GPC3: variants seen among roughly 807,000 people sequenced by gnomAD.
The protein encoded by GPC3 is glypican 3, also known as glypican-3.
Under a neutral mutation model 34.4 loss-of-function variants are expected in GPC3, and 3 were observed. That is an observed-to-expected ratio of 0.09 (90% CI 0.04 to 0.23). The LOEUF is 0.23. Among genes scored for constraint, GPC3 ranks in the 10% least tolerant of loss-of-function variants. GPC3 has a pLI of 1.00. For missense variants in GPC3, 351 were observed against 445.6 expected (o/e 0.79, Z 1.91); for synonymous variants, 177 against 174.0 (o/e 1.02, Z -0.13).
At chrX:133,614,972 G>C (rs768295793) in intron 6 of GPC3, among the ~76,000 whole-genome samples, 2 of 111,456 alleles carry the variant, frequency 1.8e-5, no homozygotes, top group Non-Finnish European at 3.8e-5. Flanking sequence ...TTCCTACAAA[G>C]ACACAAACTA....
intron 2 of GPC3, among the ~76,000 whole-genome samples, chrX:133,923,790 A>G (rs1275299584): frequency 2.7e-5 from 3 of 112,493 alleles, no homozygotes; most frequent in Non-Finnish European, 3.8e-5. Context: ...TCTTCCAAAG[A>G]TGATAACATC....
At chrX:133,968,322 T>C in intron 1 of GPC3, among the ~76,000 whole-genome samples, 1 of 112,190 alleles carries the variant, frequency 8.9e-6, no homozygotes, top group Non-Finnish European at 1.9e-5. Context: ...TATTTGAATT[T>C]GAATCCCTAG....
intron 6 of GPC3, among the ~76,000 whole-genome samples, chrX:133,606,662 G>A (rs1031585124): frequency 1.8e-5 from 2 of 111,118 alleles, no homozygotes; most frequent in Non-Finnish European, 3.8e-5. Flanking sequence ...GGGCTCAAGT[G>A]ATCCTCTCAC....
chrX:133,621,171 A>C (rs2070228283), intron 6 of GPC3, among the ~76,000 whole-genome samples: 1 of 111,543 alleles, frequency 9.0e-6, no homozygotes, highest in Admixed American at 9.6e-5. Context: ...GGAAAAAAAA[A>C]GAGTTCAGGG....
In GPC3 at chrX:133,562,553, C is replaced by T. The variant is rs768897445; in HGVS notation, c.1574-26260G>A. 1.1e-3 allele frequency among the ~76,000 whole-genome samples: 122 copies of T among 110,924 alleles called. 1 individual carries two copies. Among genetic ancestry groups the T allele is most frequent in the African/African-American group, 3.8e-3 (116 of 30,493 alleles). On this transcript the variant is annotated intron_variant, in intron 7 of 7. Coordinates refer to ENST00000370818, the MANE Select transcript of GPC3 (RefSeq NM_004484.4). ...GGCTGAGGTACGAGAATTGCTTGAC[C>T]CCAGGAGATGGAGGTTGCAGTGAGC...
intron 6 of GPC3, among the ~76,000 whole-genome samples, chrX:133,606,453 G>A (rs1339694751): frequency 8.9e-6 from 1 of 111,901 alleles, no homozygotes; most frequent in Non-Finnish European, 1.9e-5. Flanking sequence ...ACAGGGTCTT[G>A]CTCTGTTGCC....
At chrX:133,635,985 A>G (rs1158544287) in intron 6 of GPC3, among the ~76,000 whole-genome samples, 1 of 110,894 alleles carries the variant, frequency 9.0e-6, no homozygotes, top group Non-Finnish European at 1.9e-5. Context: ...TCATTTCCCT[A>G]TCTCTAATGG....
intron 5 of GPC3, among the ~76,000 whole-genome samples, chrX:133,687,725 C>CTA (rs1389507451): frequency 9.0e-6 from 1 of 111,454 alleles, no homozygotes; most frequent in Non-Finnish European, 1.9e-5. Flanking sequence ...CACGCCTGGC[C>CTA]TATCAGATAT....
intron 2 of GPC3, among the ~76,000 whole-genome samples, chrX:133,942,926 T>C (rs1437944853): frequency 8.9e-6 from 1 of 112,040 alleles, no homozygotes; most frequent in Admixed American, 9.5e-5. Flanking sequence ...CAGTTAATGA[T>C]TCCTCTCTAC....
chrX:133,641,628 A>T (rs1218850806), intron 6 of GPC3, among the ~76,000 whole-genome samples: 2 of 111,532 alleles, frequency 1.8e-5, no homozygotes, highest in Non-Finnish European at 3.8e-5. Flanking sequence ...AACACAGAGG[A>T]AGGTCTGGCA....
rs754944792 is a variant in GPC3, at chrX:133,945,323, G to A, written c.337+7727C>T. Among the ~76,000 whole-genome samples, 18 of 111,407 alleles carry A rather than the reference G, an allele frequency of 1.6e-4. No homozygotes were observed. The East Asian group carries it at 2.5e-3, about 16-fold the overall frequency. Reference sequence around the variant, plus strand: ...GGAGGATCCCTTGAGCCCGGGAGGCGGAGGTTGCAGCGAGCTGAGATAGTG... The same window carrying A: ...GGAGGATCCCTTGAGCCCGGGAGGCAGAGGTTGCAGCGAGCTGAGATAGTG... On this transcript the variant is annotated intron_variant, in intron 2 of 7. Coordinates refer to ENST00000370818, the MANE Select transcript of GPC3 (RefSeq NM_004484.4).
At chrX:133,555,465 A>G (rs776732144) in intron 7 of GPC3, among the ~76,000 whole-genome samples, 10 of 112,232 alleles carry the variant, frequency 8.9e-5, no homozygotes, top group Non-Finnish European at 1.9e-4. Flanking sequence ...TAGCTCAGAC[A>G]TCTTTCTGAA....
At chrX:133,715,587 T>G (rs1023745080) in intron 3 of GPC3, among the ~76,000 whole-genome samples, 3 of 107,947 alleles carry the variant, frequency 2.8e-5, no homozygotes, top group Non-Finnish European at 5.7e-5. Flanking sequence ...AAGGCTGTTT[T>G]TATTTGAACT....
rs555884095 is a variant in GPC3, at chrX:133,882,769, G to A, written c.337+70281C>T. On this transcript the variant is annotated intron_variant, in intron 2 of 7. Coordinates refer to ENST00000370818, the MANE Select transcript of GPC3 (RefSeq NM_004484.4). ...CAACTTCTGCAAAGAGGAAGGGAAC[G>A]ATGCAGAGAAAATGGAAAGATATCC... Among the ~76,000 whole-genome samples, 7 of 111,825 alleles carry A rather than the reference G, an allele frequency of 6.3e-5. No individual in the cohort carries two copies. The East Asian group carries it at 1.1e-3, about 18-fold the overall frequency.
intron 3 of GPC3, among the ~76,000 whole-genome samples, chrX:133,750,715 G>A (rs191998501): frequency 1.2e-4 from 13 of 111,871 alleles, no homozygotes; most frequent in Admixed American, 2.9e-4. Context: ...TTCATGTCTA[G>A]TGCCTGATCA....
chrX:133,682,388 C>T (rs191560564), intron 5 of GPC3, among the ~76,000 whole-genome samples: 56 of 111,858 alleles, frequency 5.0e-4, no homozygotes, highest in African/African-American at 1.6e-3. Flanking sequence ...CAAAGACTCA[C>T]ATTATTTCCC....
intron 2 of GPC3, among the ~76,000 whole-genome samples, chrX:133,759,228 A>T: frequency 8.9e-6 from 1 of 112,111 alleles, no homozygotes; most frequent in East Asian, 2.8e-4. Flanking sequence ...ATGAATCCCA[A>T]TCAAAATCCC....
At chrX:133,697,269 T>G (rs7055943) in intron 4 of GPC3, among the ~76,000 whole-genome samples, 4,544 of 111,987 alleles carry the variant, frequency 0.041, 250 homozygotes, top group African/African-American at 0.14. Flanking sequence ...TGCAAAAAAG[T>G]ACCTAAACTA....
At chrX:133,579,477 C>T (rs1424511304) in intron 7 of GPC3, among the ~76,000 whole-genome samples, 3 of 112,855 alleles carry the variant, frequency 2.7e-5, no homozygotes, top group African/African-American at 6.4e-5. Flanking sequence ...AGCATATTGA[C>T]GGAGCACTCT....
Sources: allele counts gnomAD v4.1 joint callset (sites outside exome capture counted in the v4.1 genomes callset), GRCh38; gene constraint gnomAD v4.1.1; transcripts MANE v1.5; gene names NCBI Gene and HGNC (gene_info 2026-07-23, HGNC 2026-07-21).